FOXN2: variants seen among roughly 807,000 people sequenced by gnomAD.
FOXN2 encodes the protein forkhead box N2.
A neutral mutation model predicts 41.2 loss-of-function variants in FOXN2; 19 were observed. The observed-to-expected ratio is 0.46, with a 90% CI of 0.32 to 0.68. The LOEUF is 0.68. FOXN2 is among the 30% of genes least tolerant of loss of function. The pLI is 0.03. For missense variants in FOXN2, 587 were observed against 509.4 expected, an observed-to-expected ratio of 1.15 and a Z score of -1.47; for synonymous variants, 195 against 176.8, an observed-to-expected ratio of 1.10 and a Z score of -0.82.
intron 2 of FOXN2, among the ~76,000 whole-genome samples, chr2:48,331,113 A>ACCTCTTT (rs1435646350): frequency 7.9e-5 from 12 of 152,202 alleles, no homozygotes; most frequent in Non-Finnish European, 5.9e-5. Flanking sequence ...AAGAGGTAAT[A>ACCTCTTT]AGGAAAGATA....
At chr2:48,345,544 A>G (rs2104367471) in intron 2 of FOXN2, among the ~76,000 whole-genome samples, 1 of 152,324 alleles carries the variant, frequency 6.6e-6, no homozygotes, top group South Asian at 2.1e-4. Flanking sequence ...TATATTAATT[A>G]GCCTGATCTA....
chr2:48,331,599 C>A lies in FOXN2; in HGVS notation c.-15+2897C>A, dbSNP rs753268464. 8.7e-4 allele frequency among the ~76,000 whole-genome samples: 132 copies of A among 152,128 alleles called. 11 individuals are homozygous for A. Among genetic ancestry groups the A allele is most frequent in the Non-Finnish European group, 2.9e-5 (2 of 68,020 alleles). Reference sequence around the variant, plus strand: ...GGGAGGGGCCAAGGCAAGAGGATCACTTGAGCCCAGGAGTTTGAGACCAAC... The same window carrying A: ...GGGAGGGGCCAAGGCAAGAGGATCAATTGAGCCCAGGAGTTTGAGACCAAC... On this transcript the variant is annotated intron_variant, in intron 2 of 6. Transcript: ENST00000340553.
intron 2 of FOXN2, among the ~76,000 whole-genome samples, chr2:48,337,095 C>T (rs1461894796): frequency 6.6e-6 from 1 of 151,596 alleles, no homozygotes; most frequent in African/African-American, 2.4e-5. Context: ...CCCCACCTCC[C>T]TCCCACTAAT....
At position 48,375,358 on chromosome 2, in the gene FOXN2, T is replaced by C; in HGVS notation, c.1211T>C (p.Leu404Pro). ...DEELKEAAGSLLHLAGIRTCL... is the reference protein window; with the variant it reads ...DEELKEAAGSPLHLAGIRTCL... ...GAGCTCAAAGAGGCAGCTGGATCTC[T>C]GCTCCACCTTGCTGGAATTCGTACA... The change falls in exon 7 of 7, where the codon CTG becomes CCG. Residue 404 changes from leucine to proline, a missense_variant. Coordinates refer to ENST00000340553, the MANE Select transcript of FOXN2 (RefSeq NM_002158.4). 2 of 1,613,586 alleles carry C rather than the reference T, an allele frequency of 1.2e-6. No homozygotes were observed. The highest frequency in any genetic ancestry group is 1.7e-6 in the Non-Finnish European group (2 of 1,179,778).
At chr2:48,327,929 C>G (rs984989866) in intron 1 of FOXN2, among the ~76,000 whole-genome samples, 1 of 152,020 alleles carries the variant, frequency 6.6e-6, no homozygotes, top group Non-Finnish European at 1.5e-5. Context: ...AGTAGAGAGT[C>G]CTAAGTTTTA....
chr2:48,338,832 T>C (rs984005862), intron 2 of FOXN2, among the ~76,000 whole-genome samples: 1 of 152,124 alleles, frequency 6.6e-6, no homozygotes, highest in Admixed American at 6.5e-5. Flanking sequence ...TAAAACAAAC[T>C]GTAGACCATA....
chr2:48,356,493 A>G (rs983835881), intron 3 of FOXN2, among the ~76,000 whole-genome samples: 1 of 152,222 alleles, frequency 6.6e-6, no homozygotes, highest in African/African-American at 2.4e-5. Context: ...AATTTTTATA[A>G]AGCCCATCTT....
chr2:48,332,790 A>G (rs941260510), intron 2 of FOXN2, among the ~76,000 whole-genome samples: 3 of 152,010 alleles, frequency 2.0e-5, no homozygotes, highest in African/African-American at 7.3e-5. Flanking sequence ...TAAGTGCTTT[A>G]TTTTTGTTGT....
chr2:48,359,226 G>A (rs75288627), intron 4 of FOXN2, 79 bp downstream of exon 4: 26,569 of 946,544 alleles, frequency 0.028, 510 homozygotes, highest in Middle Eastern at 0.045. Context: ...AAGGTCCAGG[G>A]TATTATGTTT....
rs993121098 is a variant in FOXN2 at position 48,375,840 on chromosome 2, C to G, written c.*397C>G. 1.3e-5 allele frequency: 2 copies of G among 157,662 alleles called. No individual in the cohort carries two copies. Among genetic ancestry groups the G allele is most frequent in the African/African-American group, 4.8e-5 (2 of 41,548 alleles). The allele number at this position is 157,662 out of a possible 1,614,324, so 9.8% of individuals were successfully genotyped here. On this transcript the variant is annotated 3_prime_UTR_variant, in exon 7 of 7. Transcript: ENST00000340553. Reference sequence around the variant, plus strand: ...TCTGTAACTATAGTTACTGAACCAGCTAAAAATTTTGCTGATGTATTTTTC... The same window carrying G: ...TCTGTAACTATAGTTACTGAACCAGGTAAAAATTTTGCTGATGTATTTTTC...
chr2:48,327,525 A>G (rs1669754035), intron 1 of FOXN2, among the ~76,000 whole-genome samples: 1 of 152,082 alleles, frequency 6.6e-6, no homozygotes. Flanking sequence ...GGCTCACTGC[A>G]AACTCTCCCT....
intron 1 of FOXN2, among the ~76,000 whole-genome samples, chr2:48,320,920 G>T (rs1240764784): frequency 1.3e-5 from 2 of 152,076 alleles, no homozygotes; most frequent in Admixed American, 1.3e-4. Context: ...ACTCAAGGAG[G>T]TTCAGTCATT....
At chr2:48,374,713 AAAAGTC>A in intron 6 of FOXN2, among the ~76,000 whole-genome samples, 1 of 152,348 alleles carries the variant, frequency 6.6e-6, no homozygotes, top group South Asian at 2.1e-4. Flanking sequence ...TATGCTATAG[AAAAGTC>A]AAGACATTGT....
At chr2:48,352,366 G>C (rs1671502857) in intron 3 of FOXN2, among the ~76,000 whole-genome samples, 1 of 152,078 alleles carries the variant, frequency 6.6e-6, no homozygotes, top group African/African-American at 2.4e-5. Flanking sequence ...TTAGCTCTGG[G>C]AATTCATCTT....
intron 2 of FOXN2, among the ~76,000 whole-genome samples, chr2:48,345,626 C>T (rs953260676): frequency 2.0e-5 from 3 of 151,782 alleles, no homozygotes; most frequent in Non-Finnish European, 4.4e-5. Flanking sequence ...CATTATTTGT[C>T]GATTCAAAAT....
chr2:48,331,131 A>T (rs1669994569), intron 2 of FOXN2, among the ~76,000 whole-genome samples: 2 of 152,194 alleles, frequency 1.3e-5, no homozygotes. Flanking sequence ...ATATTCAGTG[A>T]CTGGCTCAAG....
At chr2:48,323,164 G>T (rs757682258) in intron 1 of FOXN2, among the ~76,000 whole-genome samples, 6 of 147,142 alleles carry the variant, frequency 4.1e-5, no homozygotes, top group African/African-American at 1.2e-4. Flanking sequence ...TAAATATTCT[G>T]TTTTTTTTTT....
chr2:48,343,149 A>G (rs1670882241), intron 2 of FOXN2, among the ~76,000 whole-genome samples: 1 of 152,226 alleles, frequency 6.6e-6, no homozygotes, highest in Admixed American at 6.5e-5. Context: ...AAATTTGAAT[A>G]TTGAACTTAG....
At position 48,375,217 on chromosome 2, in the gene FOXN2, A is replaced by G. The variant is rs1171810260; in HGVS notation, c.1070A>G (p.Tyr357Cys). Reference sequence around the variant, plus strand: ...AGTGAAGAAGATACAGACGTTGATTATGAAGATGATCCTCTTGGAGACAGT... The same window carrying G: ...AGTGAAGAAGATACAGACGTTGATTGTGAAGATGATCCTCTTGGAGACAGT... Reference protein sequence around the residue: ...FHSEEDTDVDYEDDPLGDSGY... With the variant: ...FHSEEDTDVDCEDDPLGDSGY... Residue 357 changes from tyrosine (Y) to cysteine (C), a missense_variant, in exon 7 of 7, where the codon TAT becomes TGT. Coordinates refer to ENST00000340553, the MANE Select transcript of FOXN2 (RefSeq NM_002158.4). 2 of 1,614,046 alleles carry G rather than the reference A, an allele frequency of 1.2e-6. No homozygotes were observed. The highest frequency in any genetic ancestry group is 1.7e-6 in the Non-Finnish European group (2 of 1,180,020).
Sources: allele counts gnomAD v4.1 joint callset (sites outside exome capture counted in the v4.1 genomes callset), GRCh38; gene constraint gnomAD v4.1.1; transcripts MANE v1.5; gene names NCBI Gene and HGNC (gene_info 2026-07-23, HGNC 2026-07-21).